The following ADGRE3 variants were observed in gnomAD, a reference collection of about 807,000 sequenced individuals.
The protein encoded by ADGRE3 is adhesion G protein-coupled receptor E3.
ADGRE3 carries 88 observed loss-of-function variants against 80.1 expected under a neutral mutation model. The ratio of observed to expected loss-of-function variants is 1.10; its 90% CI spans 0.93 to 1.31. The LOEUF (loss-of-function observed/expected upper bound fraction) is 1.31. Ranked by LOEUF, ADGRE3 falls within the 40% of genes most tolerant of loss-of-function variation. ADGRE3 has a pLI of 0.00. For missense variants in ADGRE3, 715 were observed against 776.5 expected, an observed-to-expected ratio of 0.92 and a Z score of 0.94; for synonymous variants, 281 against 294.8, an observed-to-expected ratio of 0.95 and a Z score of 0.48.
chr19:14,602,082 G>A, the ADGRE3 span, among the ~76,000 whole-genome samples: 9 of 152,176 alleles, frequency 5.9e-5, no homozygotes, highest in South Asian at 2.1e-4. Flanking sequence ...ATGAGCCACC[G>A]CGCCTGGCCC....
chr19:14,624,478 G>C (rs566365815), intron 15 of ADGRE3, among the ~76,000 whole-genome samples: 7 of 152,120 alleles, frequency 4.6e-5, no homozygotes, highest in Admixed American at 4.6e-4. Flanking sequence ...AATATAGGCC[G>C]GGTGTGGTGG....
intron 5 of ADGRE3, among the ~76,000 whole-genome samples, chr19:14,657,514 T>A (rs1439450192): frequency 6.6e-6 from 1 of 151,546 alleles, no homozygotes; most frequent in Non-Finnish European, 1.5e-5. Context: ...CATATGTATG[T>A]ACGTACATGC....
chr19:14,668,410 C>A (rs1972161588), intron 2 of ADGRE3, among the ~76,000 whole-genome samples: 1 of 151,784 alleles, frequency 6.6e-6, no homozygotes, highest in African/African-American at 2.4e-5. Context: ...GAGAGAGTCC[C>A]AGGGGAATAA....
intron 4 of ADGRE3, among the ~76,000 whole-genome samples, chr19:14,659,129 G>A (rs1971864848): frequency 6.6e-6 from 1 of 151,366 alleles, no homozygotes; most frequent in Non-Finnish European, 1.5e-5. Flanking sequence ...TCAATGTCCT[G>A]GGCTCAAGCA....
At chr19:14,636,081 C>CTTTCCCTTTCTTTCTTTCTTTCTTT (rs1555755785) in intron 11 of ADGRE3, among the ~76,000 whole-genome samples, 2 of 24,678 alleles carry the variant, frequency 8.1e-5, no homozygotes, top group Non-Finnish European at 1.6e-4. Flanking sequence ...CTTTCCTTTC[C>CTTTCCCTTTCTTTCTTTCTTTCTTT]CTTTCTTTCT....
At chr19:14,617,861 T>C (rs73002897), downstream of ADGRE3, among the ~76,000 whole-genome samples, 41,671 of 151,714 alleles carry the variant, frequency 0.27, 5,921 homozygotes, top group Admixed American at 0.32. Flanking sequence ...TTGAGAGTGA[T>C]GACTTAAAAA....
downstream of ADGRE3, among the ~76,000 whole-genome samples, chr19:14,617,789 TTTTTTC>T (rs2075091259): frequency 6.6e-6 from 1 of 152,126 alleles, no homozygotes; most frequent in Non-Finnish European, 1.5e-5. Flanking sequence ...TCTTTTGGCC[TTTTTTC>T]CTCAGTGCTT....
chr19:14,602,279 G>A, the ADGRE3 span, among the ~76,000 whole-genome samples: 29,180 of 151,618 alleles, frequency 0.19, 3,072 homozygotes, highest in Non-Finnish European at 0.22. Flanking sequence ...TTTAATTGGT[G>A]TTTTCATTTA....
In ADGRE3 at chr19:14,662,123, A is replaced by G. The variant is rs765667745; in HGVS notation, c.200-5T>C. 40 of 1,613,814 alleles carry G rather than the reference A, an allele frequency of 2.5e-5. No homozygotes were observed. The highest frequency in any genetic ancestry group is 3.4e-5 in the Non-Finnish European group (40 of 1,179,798). Reference sequence around the variant, plus strand: ...GTGGTGTACATTCATTAATGTCTGGAACACAAAGAAGCAATTGGGTCATTC... The same window carrying G: ...GTGGTGTACATTCATTAATGTCTGGGACACAAAGAAGCAATTGGGTCATTC... On this transcript the variant is annotated splice_region_variant and splice_polypyrimidine_tract_variant and intron_variant, in intron 3 of 15. Transcript: ENST00000253673.
intron 2 of ADGRE3, among the ~76,000 whole-genome samples, chr19:14,665,600 C>A (rs1209612116): frequency 6.6e-6 from 1 of 152,000 alleles, no homozygotes; most frequent in African/African-American, 2.4e-5. Flanking sequence ...AGCGATCCTC[C>A]TACCTCAGCC....
intron 2 of ADGRE3, among the ~76,000 whole-genome samples, chr19:14,663,875 G>C (rs1289953891): frequency 6.6e-6 from 1 of 151,960 alleles, no homozygotes; most frequent in Non-Finnish European, 1.5e-5. Context: ...AGGTATACAC[G>C]TGCCACGTTG....
chr19:14,611,553 A>C, the ADGRE3 span, among the ~76,000 whole-genome samples: 1 of 151,704 alleles, frequency 6.6e-6, no homozygotes, highest in African/African-American at 2.4e-5. Context: ...GGCCCATGGA[A>C]CTTCTAGAAA....
downstream of ADGRE3, among the ~76,000 whole-genome samples, chr19:14,617,377 C>CTTTCTTTCTTTCTTCCTTCCTTT (rs1491527496): frequency 2.3e-5 from 2 of 86,364 alleles, no homozygotes; most frequent in Non-Finnish European, 4.5e-5. Context: ...TTTCTTTCTT[C>CTTTCTTTCTTTCTTCCTTCCTTT]CTTTCTTTCT....
chr19:14,614,575 C>T (rs919556377), downstream of ADGRE3, among the ~76,000 whole-genome samples: 7 of 151,652 alleles, frequency 4.6e-5, no homozygotes, highest in African/African-American at 9.7e-5. Context: ...TACCAACGCC[C>T]GCCAATCTTT....
chr19:14,656,881 C>T (rs1308005758), intron 5 of ADGRE3, among the ~76,000 whole-genome samples: 30 of 152,066 alleles, frequency 2.0e-4, no homozygotes, highest in Admixed American at 1.8e-3. Context: ...CTTCTTAACT[C>T]CTATATCATT....
At chr19:14,603,675 A>G in the ADGRE3 span, among the ~76,000 whole-genome samples, 6 of 151,888 alleles carry the variant, frequency 4.0e-5, no homozygotes, top group African/African-American at 1.5e-4. Flanking sequence ...CATGTTGGCC[A>G]GGCTGCTCTC....
chr19:14,630,469 C>T (rs1202911881), intron 13 of ADGRE3, among the ~76,000 whole-genome samples: 1 of 151,748 alleles, frequency 6.6e-6, no homozygotes, highest in Non-Finnish European at 1.5e-5. Context: ...AGCACAATGA[C>T]ATGATCTCGA....
chr19:14,636,587 C>T lies in ADGRE3; in HGVS notation c.1484+1518G>A, dbSNP rs187407609. 7.1e-3 allele frequency among the ~76,000 whole-genome samples: 1,078 copies of T among 152,050 alleles called. 6 individuals are homozygous for T. The highest frequency in any genetic ancestry group is 0.012 in the Non-Finnish European group (848 of 67,974). On this transcript the variant is annotated intron_variant, in intron 11 of 15. Coordinates refer to ENST00000253673, the MANE Select transcript of ADGRE3 (RefSeq NM_032571.5). ...CAAACCCTCTCCTTCTGAAGCCATC[C>T]CTATAAACTTTATAAAAATAATCAG...
downstream of ADGRE3, among the ~76,000 whole-genome samples, chr19:14,618,846 C>CAAAAAAAAAAAAAAAAAAAAA (rs771965258): frequency 1.6e-5 from 1 of 61,958 alleles, no homozygotes; most frequent in Non-Finnish European, 2.8e-5. Flanking sequence ...AACTCCATCT[C>CAAAAAAAAAAAAAAAAAAAAA]AAAAAAAAAA....
Sources: allele counts gnomAD v4.1 joint callset (sites outside exome capture counted in the v4.1 genomes callset), GRCh38; gene constraint gnomAD v4.1.1; transcripts MANE v1.5; gene names NCBI Gene and HGNC (gene_info 2026-07-23, HGNC 2026-07-21).